The following EYS variants were observed in gnomAD, a reference collection of about 807,000 sequenced individuals.
The protein encoded by EYS is EGF-like photoreceptor maintenance factor, also known as protein eyes shut homolog.
Under a neutral mutation model 282.1 loss-of-function variants are expected in EYS, and 250 were observed. The observed-to-expected ratio is 0.89, with a 90% confidence interval of 0.80 to 0.98. The LOEUF (loss-of-function observed/expected upper bound fraction) is 0.98. EYS is among the 50% of genes least tolerant of loss of function. The pLI, the probability that EYS is intolerant of heterozygous loss-of-function variation, is 0.00. For missense variants in EYS, 4,016 were observed against 3,709.0 expected (o/e 1.08, Z -2.15); for synonymous variants, 1,355 against 1,282.9 (o/e 1.06, Z -1.20).
intron 12 of EYS, among the ~76,000 whole-genome samples, chr6:65,141,398 C>A (rs961911400): frequency 6.6e-6 from 1 of 151,680 alleles, no homozygotes; most frequent in African/African-American, 2.4e-5. Context: ...TGCTAAATGA[C>A]GAGTTAATGG....
chr6:65,519,325 A>G (rs1748229794), intron 2 of EYS, among the ~76,000 whole-genome samples: 1 of 151,508 alleles, frequency 6.6e-6, no homozygotes, highest in Admixed American at 6.6e-5. Flanking sequence ...GTGGTGGCAA[A>G]TTAAACTTTA....
chr6:65,365,113 G>A (rs953158337), intron 8 of EYS, among the ~76,000 whole-genome samples: 6 of 151,754 alleles, frequency 4.0e-5, no homozygotes, highest in Middle Eastern at 3.4e-3. Flanking sequence ...TATCAATCTA[G>A]GGAAACTTGG....
rs1776024769 is a variant in EYS at position 65,136,449 on chromosome 6, G to A, written c.2024-78722C>T. Among the ~76,000 whole-genome samples, 3 of 151,770 alleles carry A rather than the reference G, an allele frequency of 2.0e-5. No homozygotes were observed. The South Asian group carries it at 6.2e-4, about 32-fold the overall frequency. On this transcript the variant is annotated intron_variant, in intron 12 of 42. Transcript: ENST00000503581. ...CTAATAGGACTATCTGAGCTACTTCGAGAAAACTAGCAAGGTCTACCCTGA... is the reference window on the plus strand; with the variant it reads ...CTAATAGGACTATCTGAGCTACTTCAAGAAAACTAGCAAGGTCTACCCTGA...
In EYS at chr6:65,057,662, T is replaced by A. The variant is rs753855016; in HGVS notation, c.2089A>T (p.Ile697Phe). ...SHPCKNGATC[I>F]DQPGNYFCQC... ...CAGAAGTAATTACCAGGTTGGTCAA[T>A]GCAGGTGGCTCCATTTTTGCAGGGA... is the stretch of plus-strand genomic sequence containing the variant. The change falls in exon 13 of 43, where the codon ATT (isoleucine) becomes TTT (phenylalanine). Residue 697 changes from isoleucine (I) to phenylalanine (F), a missense_variant. Transcript: ENST00000503581. The A allele has an allele frequency of 1.9e-5, 29 of 1,551,126 alleles. No individual in the cohort carries two copies. Among genetic ancestry groups the A allele is most frequent in the Non-Finnish European group, 5.2e-6 (6 of 1,146,708 alleles).
At chr6:63,755,690 G>A (rs571786303) in intron 41 of EYS, among the ~76,000 whole-genome samples, 3 of 152,232 alleles carry the variant, frequency 2.0e-5, no homozygotes, top group South Asian at 2.1e-4. Context: ...AGCTTCATGG[G>A]GATAGCATTG....
At chr6:65,370,765 G>T (rs116335445) in intron 8 of EYS, among the ~76,000 whole-genome samples, 3,660 of 151,854 alleles carry the variant, frequency 0.024, 155 homozygotes, top group African/African-American at 0.084. Flanking sequence ...TATAGTCTGC[G>T]CACTTCCTAT....
intron 14 of EYS, among the ~76,000 whole-genome samples, chr6:64,976,320 A>T (rs1027351944): frequency 6.6e-6 from 1 of 151,916 alleles, no homozygotes; most frequent in Admixed American, 6.6e-5. Context: ...TATTTTACAT[A>T]TTGGCCTATT....
chr6:64,450,630 A>G (rs929040374), intron 26 of EYS, among the ~76,000 whole-genome samples: 4 of 152,204 alleles, frequency 2.6e-5, no homozygotes, highest in African/African-American at 9.6e-5. Flanking sequence ...CAGCAAATGT[A>G]AAAGAACAGA....
chr6:63,918,125 T>G (rs904925211), intron 35 of EYS, among the ~76,000 whole-genome samples: 1 of 152,220 alleles, frequency 6.6e-6, no homozygotes, highest in Non-Finnish European at 1.5e-5. Flanking sequence ...TAAGTGCAAA[T>G]GCAGATAAAA....
intron 26 of EYS, among the ~76,000 whole-genome samples, chr6:64,570,256 A>G (rs763351704): frequency 2.2e-4 from 33 of 152,298 alleles, no homozygotes; most frequent in Non-Finnish European, 4.3e-4. Flanking sequence ...AGATTTTGTC[A>G]CCCCCAGGCC....
rs980992204 is a variant in EYS at position 63,968,353 on chromosome 6, G to T, written c.7055+16030C>A. Among the ~76,000 whole-genome samples the T allele has an allele frequency of 3.9e-5, 6 of 152,164 alleles. No individual in the cohort carries two copies. The East Asian group carries it at 1.2e-3, about 29-fold the overall frequency. On this transcript the variant is annotated intron_variant, in intron 35 of 42. Coordinates refer to ENST00000503581, the MANE Select transcript of EYS (RefSeq NM_001142800.2). ...CTTTATTTTCGTAGTCTTGGTTATG[G>T]GCTTATATGTCTGCATCTGAGAGAC...
intron 12 of EYS, among the ~76,000 whole-genome samples, chr6:65,294,568 C>T (rs527273709): frequency 1.6e-4 from 24 of 151,754 alleles, no homozygotes; most frequent in African/African-American, 3.1e-4. Context: ...GATCATATAA[C>T]GTACAACCAA....
chr6:64,381,989 C>T (rs1772762103), intron 29 of EYS, among the ~76,000 whole-genome samples: 1 of 152,034 alleles, frequency 6.6e-6, no homozygotes, highest in African/African-American at 2.4e-5. Flanking sequence ...TCAAAGAATC[C>T]AGTGGATGTC....
intron 2 of EYS, among the ~76,000 whole-genome samples, chr6:65,619,620 C>T (rs1229504378): frequency 1.3e-5 from 2 of 151,928 alleles, no homozygotes; most frequent in Admixed American, 1.3e-4. Context: ...GAGGGCATCC[C>T]TGTCTTGTGC....
chr6:64,510,535 A>G (rs1321550893), intron 26 of EYS, among the ~76,000 whole-genome samples: 3 of 152,168 alleles, frequency 2.0e-5, no homozygotes, highest in Non-Finnish European at 4.4e-5. Context: ...AGACTTTATT[A>G]AAAACACAAC....
At chr6:64,212,484 A>G (rs545716124) in intron 31 of EYS, among the ~76,000 whole-genome samples, 24 of 152,052 alleles carry the variant, frequency 1.6e-4, no homozygotes, top group Non-Finnish European at 3.1e-4. Context: ...TTTGGTACAT[A>G]TATATACACT....
At chr6:65,170,592 G>A (rs917097144) in intron 12 of EYS, among the ~76,000 whole-genome samples, 1 of 151,408 alleles carries the variant, frequency 6.6e-6, no homozygotes, top group African/African-American at 2.4e-5. Flanking sequence ...TTGGTACAAG[G>A]TTTCCAAAAT....
At chr6:64,987,321 A>T (rs1770892170) in intron 14 of EYS, among the ~76,000 whole-genome samples, 1 of 151,556 alleles carries the variant, frequency 6.6e-6, no homozygotes, top group South Asian at 2.1e-4. Context: ...CACTGTGGCT[A>T]TGCACAGTCC....
chr6:64,802,033 C>CTTTTTTTTTTTT (rs70999173), intron 22 of EYS, among the ~76,000 whole-genome samples: 8 of 112,678 alleles, frequency 7.1e-5, no homozygotes, highest in African/African-American at 2.0e-4. Context: ...CTTTTTTTTT[C>CTTTTTTTTTTTT]TTTTTTTTTT....
Sources: gnomAD v4.1 joint callset for allele counts (sites outside exome capture counted in the v4.1 genomes callset) on GRCh38, gnomAD v4.1.1 for gene constraint, MANE v1.5 for transcripts, NCBI Gene and HGNC (gene_info 2026-07-23, HGNC 2026-07-21) for gene names.